Variants in TBR1 observed in about 807,000 individuals in gnomAD.
TBR1 encodes the protein T-box brain protein 1.
A neutral mutation model predicts 60.3 loss-of-function variants in TBR1; 7 were observed. The observed-to-expected ratio is 0.12, with a 90% CI of 0.07 to 0.22. The LOEUF is 0.22. Ranked by LOEUF, TBR1 falls within the 10% of genes least tolerant of loss-of-function variation. TBR1 has a pLI of 1.00. For missense variants in TBR1, 616 were observed against 936.8 expected, an observed-to-expected ratio of 0.66 and a Z score of 4.47; for synonymous variants, 417 against 409.9, an observed-to-expected ratio of 1.02 and a Z score of -0.21.
In TBR1 at chr2:161,417,716, G is replaced by A; in HGVS notation, c.733G>A (p.Asp245Asn). The stretch of plus-strand genomic sequence containing the variant: ...TTTAAGTTTTAACATTTCTGGTCTC[G>A]ATCCCACGGCTCATTACAATATTTT... Reference protein sequence around the residue: ...PFLSFNISGLDPTAHYNIFVD... With the variant: ...PFLSFNISGLNPTAHYNIFVD... Residue 245 changes from aspartate to asparagine, a missense_variant, in exon 2 of 6, where the codon GAT (aspartate) becomes AAT (asparagine). This residue lies in a region of TBR1 where 85 missense variants were observed against 164.9 expected (regional missense o/e 0.52). Transcript: ENST00000389554. This position sits in a 1 kb window ranked among gnomAD's most constrained non-coding sequence, Gnocchi z 5.3. 2.5e-6 allele frequency: 4 copies of A among 1,613,112 alleles called. No individual in the cohort carries two copies. Among genetic ancestry groups the A allele is most frequent in the Non-Finnish European group, 3.4e-6 (4 of 1,179,840 alleles).
Position 161,423,771 on chromosome 2 carries a change from C to T in TBR1, c.1593C>T (p.Cys531=), listed in dbSNP as rs1684274913. The T allele has an allele frequency of 6.7e-7, 1 of 1,481,812 alleles. No homozygotes were observed. The highest frequency in any genetic ancestry group is 2.8e-5 in the East Asian group (1 of 35,626). 91.8% of individuals were successfully genotyped at this position (1,481,812 alleles called of 1,614,324 possible). Residue 531 remains cysteine (C), a synonymous_variant, in exon 6 of 6, where the codon TGC becomes TGT. Transcript: ENST00000389554. Reference sequence around the variant, plus strand: ...CGCTGCCGCTGCAGGCTGCAGGCTGCACTGGCCGCCCGCTCGGCTACTACG... The same window carrying T: ...CGCTGCCGCTGCAGGCTGCAGGCTGTACTGGCCGCCCGCTCGGCTACTACG... ...VKALPLQAAG[C]TGRPLGYYAD...
At chr2:161,418,691 A>T (rs900685556) in intron 3 of TBR1, 2 of 705,048 alleles carry the variant, frequency 2.8e-6, no homozygotes, top group Non-Finnish European at 4.4e-6. Context: ...GCCCCGGCTT[A>T]TCTTCGCTCC....
intron 5 of TBR1, chr2:161,422,518 C>T (rs1255684709): frequency 1.3e-5 from 2 of 152,168 alleles, no homozygotes; most frequent in Non-Finnish European, 2.9e-5. Context: ...TATTAGTGGT[C>T]CATTGCATGG....
intron 4 of TBR1, chr2:161,419,335 T>C: frequency 2.6e-6 from 1 of 383,438 alleles, no homozygotes. Context: ...AGTTTTAATT[T>C]GGGCTTTGAA....
chr2:161,419,013 C>T lies in TBR1; in HGVS notation c.1091C>T (p.Thr364Ile), dbSNP rs749547310. ...GTGCAGACGTTCACTTTCCCTGAGA[C>T]TCAGTTCATCGCCGTCACCGCCTAC... ...GRVQTFTFPETQFIAVTAYQN... is the reference protein window; with the variant it reads ...GRVQTFTFPEIQFIAVTAYQN... Residue 364 changes from threonine to isoleucine, a missense_variant, in exon 4 of 6, where the codon ACT (threonine) becomes ATT (isoleucine). Physicochemically the swap from Thr to Ile is moderately conservative, Grantham distance 89. Around this residue, in one of 8 missense-constraint regions of TBR1, gnomAD observed 85 missense variants for 164.9 expected, o/e 0.52. Coordinates refer to ENST00000389554, the MANE Select transcript of TBR1 (RefSeq NM_006593.4). 1.2e-6 allele frequency: 2 copies of T among 1,614,206 alleles called. No individual in the cohort carries two copies. Among genetic ancestry groups the T allele is most frequent in the Non-Finnish European group, 1.7e-6 (2 of 1,180,028 alleles).
In TBR1 at chr2:161,424,257, G is replaced by A. The variant is rs1467085697; in HGVS notation, c.*30G>A. 1.1e-5 allele frequency: 17 copies of A among 1,521,316 alleles called. No individual in the cohort carries two copies. Among genetic ancestry groups the A allele is most frequent in the Admixed American group, 2.0e-5 (1 of 49,880 alleles). 94.2% of individuals were successfully genotyped at this position (1,521,316 alleles called of 1,614,324 possible). A position where few individuals can be genotyped will look rare whatever the true frequency, so the allele number is the denominator to read the frequency against. The stretch of plus-strand genomic sequence containing the variant: ...CCCCTGCCCGCCCGGCCCCGCCGCG[G>A]CCCGGACCCCCAGCCAGCCCCTCAC... On this transcript the variant is annotated 3_prime_UTR_variant, in exon 6 of 6. Transcript: ENST00000389554. The surrounding 1 kb of genome is among the most constrained non-coding windows in gnomAD (Gnocchi z 4.4).
At chr2:161,420,375 G>T in intron 5 of TBR1, 118 bp downstream of exon 5, 2 of 450,388 alleles carry the variant, frequency 4.4e-6, no homozygotes, top group Non-Finnish European at 7.5e-6. Context: ...GGTTGTTTTA[G>T]AGGACTTCTT....
rs1325034968 is a variant in TBR1 at position 161,417,404 on chromosome 2, G to C, written c.693-272G>C. On this transcript the variant is annotated intron_variant, in intron 1 of 5. Coordinates refer to ENST00000389554, the MANE Select transcript of TBR1 (RefSeq NM_006593.4). The surrounding 1 kb of genome is among the most constrained non-coding windows in gnomAD (Gnocchi z 5.3). ...GGGACGCATCAACACTGGCATGCAC[G>C]GACAGGTGGAGACGCAGGTCGCCAA... The C allele has an allele frequency of 1.8e-6, 1 of 563,320 alleles. No homozygotes were observed. The highest frequency in any genetic ancestry group is 3.1e-6 in the Non-Finnish European group (1 of 320,852). 34.9% of individuals were successfully genotyped at this position (563,320 alleles called of 1,614,324 possible). A position where few individuals can be genotyped will look rare whatever the true frequency, so the allele number is the denominator to read the frequency against.
rs779076527 is a variant in TBR1, at chr2:161,416,523, C to T, written c.113C>T (p.Pro38Leu). The T allele has an allele frequency of 1.2e-6, 2 of 1,614,128 alleles. No homozygotes were observed. Among genetic ancestry groups the T allele is most frequent in the Non-Finnish European group, 1.7e-6 (2 of 1,180,022 alleles). ...TCCGAGCTTGTCTTGCACGATCATC[C>T]CATTATCTCGACCACTGACAACCTG... ...GGSELVLHDH[P>L]IISTTDNLER... The change falls in exon 1 of 6, where the codon CCC becomes CTC. Residue 38 changes from proline to leucine, a missense_variant. By Grantham distance (98) the Pro-to-Leu change is moderately conservative. Coordinates refer to ENST00000389554, the MANE Select transcript of TBR1 (RefSeq NM_006593.4). The surrounding 1 kb of genome is among the most constrained non-coding windows in gnomAD (Gnocchi z 6.1).
intron 4 of TBR1, chr2:161,419,296 C>T: frequency 2.1e-6 from 1 of 486,694 alleles, no homozygotes; most frequent in Admixed American, 4.2e-5. Context: ...TTTGAGGTGG[C>T]CAGGATTTCT....
rs1488163166 is a variant in TBR1, at chr2:161,424,059, C to G, written c.1881C>G (p.Ser627Arg). 3 of 1,609,366 alleles carry G rather than the reference C, an allele frequency of 1.9e-6. No homozygotes were observed. The highest frequency in any genetic ancestry group is 2.2e-5 in the South Asian group (2 of 90,002). Residue 627 changes from serine (S) to arginine (R), a missense_variant, in exon 6 of 6, where the codon AGC (serine) becomes AGG (arginine). Ser to Arg is a moderately radical substitution (Grantham distance 110). Transcript: ENST00000389554. This position sits in a 1 kb window ranked among gnomAD's most constrained non-coding sequence, Gnocchi z 4.4. ...TPSSIKSIDS[S>R]DSGIYEQAKR... ...CCTCGATCAAGTCCATCGACTCCAG[C>G]GACTCGGGGATTTACGAGCAGGCCA... is the stretch of plus-strand genomic sequence containing the variant.
intron 2 of TBR1, 38 bp from the exon 3 acceptor site, chr2:161,418,163 G>A (rs762140340): frequency 1.9e-6 from 3 of 1,592,260 alleles, no homozygotes; most frequent in East Asian, 2.2e-5. Context: ...ACTGGGCAGT[G>A]CCAGGGGCAT....
intron 5 of TBR1, chr2:161,423,123 G>A: frequency 2.6e-6 from 1 of 386,606 alleles, no homozygotes; most frequent in East Asian, 3.8e-5. Context: ...TCCCTTGATG[G>A]TCTGTATCTT....
In TBR1 at chr2:161,424,435, C is replaced by T. The variant is rs977647961; in HGVS notation, c.*208C>T. 6.8e-6 allele frequency: 4 copies of T among 585,390 alleles called. No homozygotes were observed. In the African/African-American group the frequency reaches 7.5e-5, roughly 11 times the overall value. The allele number at this position is 585,390 out of a possible 1,614,324, so 36.3% of individuals were successfully genotyped here. A position where few individuals can be genotyped will look rare whatever the true frequency, so the allele number is the denominator to read the frequency against. ...CAGTCTCTGCAATTAGCTCACCGAC[C>T]TTCAACTTTGCTGTAAACCTTTTGG... is the stretch of plus-strand genomic sequence containing the variant. On this transcript the variant is annotated 3_prime_UTR_variant, in exon 6 of 6. Transcript: ENST00000389554. This position sits in a 1 kb window ranked among gnomAD's most constrained non-coding sequence, Gnocchi z 4.4.
In TBR1 at chr2:161,418,259, A is replaced by G; in HGVS notation, c.906A>G (p.Gln302=). The G allele has an allele frequency of 1.9e-6, 3 of 1,614,146 alleles. No individual in the cohort carries two copies. In the South Asian group the frequency reaches 3.3e-5, roughly 18 times the overall value. ...SPNTGAHWMR[Q]EISFGKLKLT... ...ACACTGGGGCTCACTGGATGCGCCA[A>G]GAAATCTCTTTTGGAAAATTAAAAC... Residue 302 remains glutamine (Q), a synonymous_variant, in exon 3 of 6, where the codon CAA becomes CAG. Coordinates refer to ENST00000389554, the MANE Select transcript of TBR1 (RefSeq NM_006593.4).
At chr2:161,418,751 G>A in intron 3 of TBR1, 141 bp from the exon 4 acceptor site, 2 of 1,163,438 alleles carry the variant, frequency 1.7e-6, no homozygotes, top group Non-Finnish European at 2.4e-6. Flanking sequence ...CCAGCCAGGC[G>A]AGTCCCGCGG....
At chr2:161,422,071 G>C (rs1174515075) in intron 5 of TBR1, 1 of 152,214 alleles carries the variant, frequency 6.6e-6, no homozygotes, top group Admixed American at 6.5e-5. Flanking sequence ...TGGAGAAAGA[G>C]GGAGAAGTAT....
chr2:161,417,243 G>A lies in TBR1; in HGVS notation c.692+141G>A, dbSNP rs1684139198. 3.5e-6 allele frequency: 3 copies of A among 861,160 alleles called. No individual in the cohort carries two copies. The highest frequency in any genetic ancestry group is 3.5e-6 in the Non-Finnish European group (2 of 569,560). 53.3% of individuals were successfully genotyped at this position (861,160 alleles called of 1,614,324 possible). Reference sequence around the variant, plus strand: ...TAGAGTTGGCTAGTTTTGGAAAGGGGGAAAGTGGAAGGGATAACCGCCAGG... The same window carrying A: ...TAGAGTTGGCTAGTTTTGGAAAGGGAGAAAGTGGAAGGGATAACCGCCAGG... On this transcript the variant is annotated intron_variant, in intron 1 of 5. Coordinates refer to ENST00000389554, the MANE Select transcript of TBR1 (RefSeq NM_006593.4). The surrounding 1 kb of genome is among the most constrained non-coding windows in gnomAD (Gnocchi z 5.3).
chr2:161,423,900 C>T lies in TBR1; in HGVS notation c.1722C>T (p.Arg574=). 2 of 1,382,230 alleles carry T rather than the reference C, an allele frequency of 1.4e-6. No homozygotes were observed. Among genetic ancestry groups the T allele is most frequent in the Non-Finnish European group, 9.3e-7 (1 of 1,071,242 alleles). The allele number at this position is 1,382,230 out of a possible 1,614,324, so 85.6% of individuals were successfully genotyped here. The part of the protein sequence containing the change: ...CWPNSAAAAA[R]MAGANPYLGE... Reference sequence around the variant, plus strand: ...CCAACAGCGCCGCGGCCGCCGCGCGCATGGCCGGCGCCAATCCCTACCTGG... The same window carrying T: ...CCAACAGCGCCGCGGCCGCCGCGCGTATGGCCGGCGCCAATCCCTACCTGG... The change falls in exon 6 of 6, where the codon CGC becomes CGT. Residue 574 remains arginine, a synonymous_variant. Transcript: ENST00000389554.
Sources: allele counts gnomAD v4.1 joint callset, GRCh38; gene constraint gnomAD v4.1.1; regional missense constraint gnomAD v4.1.1; non-coding constraint Gnocchi (gnomAD v3.1); transcripts MANE v1.5; gene names NCBI Gene and HGNC (gene_info 2026-07-23, HGNC 2026-07-21).